FRAS1: variants seen among roughly 807,000 people sequenced by gnomAD.
FRAS1 encodes extracellular matrix organizing protein FRAS1.
A neutral mutation model predicts 435.2 loss-of-function variants in FRAS1; 290 were observed. The ratio of observed to expected loss-of-function variants is 0.67; its 90% confidence interval spans 0.61 to 0.73. The LOEUF is 0.73. FRAS1 is among the 30% of genes least tolerant of loss of function. FRAS1 has a pLI of 0.00. For missense variants in FRAS1, 4,860 were observed against 5,001.5 expected, an observed-to-expected ratio of 0.97 and a Z score of 0.85; for synonymous variants, 1,800 against 1,851.0, an observed-to-expected ratio of 0.97 and a Z score of 0.71.
Position 78,363,680 on chromosome 4 carries a change from G to T in FRAS1, c.2575+15G>T. ...AGCTTGTAAAAGTGAGTAAGTGCTG[G>T]ACTCAGGAGCTGGAGCTGCCACCTG... On this transcript the variant is annotated intron_variant, in intron 21 of 73. Transcript: ENST00000512123. The T allele has an allele frequency of 1.0e-5, 16 of 1,570,702 alleles. No individual in the cohort carries two copies. Among genetic ancestry groups the T allele is most frequent in the Non-Finnish European group, 1.4e-5 (16 of 1,157,722 alleles).
In FRAS1 at chr4:78,464,496, C is replaced by T. The variant is rs766845287; in HGVS notation, c.6942C>T (p.Val2314=). The T allele has an allele frequency of 2.3e-5, 37 of 1,613,830 alleles. No homozygotes were observed. The highest frequency in any genetic ancestry group is 1.8e-4 in the South Asian group (16 of 91,082). ...ACCCTGTCGATGATTCGCTGCCCGT[C>T]GTACAGAACTTAGGAATGCGGGTGC... is the stretch of plus-strand genomic sequence containing the variant. ...TLHPVDDSLP[V]VQNLGMRVQE... is the part of the protein sequence containing the mutation. Residue 2314 remains valine (V), a synonymous_variant, in exon 49 of 74, where the codon GTC becomes GTT. Coordinates refer to ENST00000512123, the MANE Select transcript of FRAS1 (RefSeq NM_025074.7).
intron 63 of FRAS1, among the ~76,000 whole-genome samples, chr4:78,509,322 G>A (rs1302471202): frequency 1.3e-5 from 2 of 152,166 alleles, no homozygotes; most frequent in African/African-American, 4.8e-5. Flanking sequence ...TTGGCTACTT[G>A]ACAAGGTCAT....
At chr4:78,418,646 C>T (rs2110367391) in intron 32 of FRAS1, among the ~76,000 whole-genome samples, 1 of 152,220 alleles carries the variant, frequency 6.6e-6, no homozygotes, top group Non-Finnish European at 1.5e-5. Flanking sequence ...ACGTGTTCCA[C>T]CTAGGAAAAA....
intron 36 of FRAS1, among the ~76,000 whole-genome samples, chr4:78,429,821 T>G (rs1168438420): frequency 1.3e-5 from 2 of 152,234 alleles, no homozygotes; most frequent in African/African-American, 4.8e-5. Context: ...TTACCAAACT[T>G]ACAAATAAGC....
At chr4:78,405,441 C>T (rs1390253576) in intron 30 of FRAS1, among the ~76,000 whole-genome samples, 1 of 152,066 alleles carries the variant, frequency 6.6e-6, no homozygotes, top group Non-Finnish European at 1.5e-5. Flanking sequence ...AGTTATAATA[C>T]AAGAAAGAAA....
At chr4:78,159,149 GAAGA>G (rs1721024843) in intron 2 of FRAS1, among the ~76,000 whole-genome samples, 1 of 152,136 alleles carries the variant, frequency 6.6e-6, no homozygotes, top group African/African-American at 2.4e-5. Flanking sequence ...TCCACCCTCT[GAAGA>G]AAGAAAGTAC....
In FRAS1 at chr4:78,387,391, G is replaced by A. The variant is rs747562608; in HGVS notation, c.3665G>A (p.Arg1222Lys). 2 of 1,609,706 alleles carry A rather than the reference G, an allele frequency of 1.2e-6. No individual in the cohort carries two copies. Among genetic ancestry groups the A allele is most frequent in the Admixed American group, 3.3e-5 (2 of 59,884 alleles). The change falls in exon 29 of 74, where the codon AGA (arginine) becomes AAA (lysine). Residue 1222 changes from arginine to lysine, a missense_variant. Coordinates refer to ENST00000512123, the MANE Select transcript of FRAS1 (RefSeq NM_025074.7). ...AFSTQAPYVLRNEVLHISRGE... is the reference protein window; with the variant it reads ...AFSTQAPYVLKNEVLHISRGE... ...ACTCCACAGGCCCCCTATGTGCTGAGAAATGAAGTTCTCCACATTAGCAGA... is the reference window on the plus strand; with the variant it reads ...ACTCCACAGGCCCCCTATGTGCTGAAAAATGAAGTTCTCCACATTAGCAGA...
chr4:78,380,196 A>G (rs978595074), intron 27 of FRAS1, among the ~76,000 whole-genome samples, 200 bp downstream of exon 27: 4 of 152,138 alleles, frequency 2.6e-5, no homozygotes, highest in African/African-American at 9.7e-5. Context: ...TGTTAGAGAC[A>G]TTTTCGTTTT....
At chr4:78,221,746 C>T (rs1301184572) in intron 2 of FRAS1, among the ~76,000 whole-genome samples, 1 of 152,132 alleles carries the variant, frequency 6.6e-6, no homozygotes, top group Non-Finnish European at 1.5e-5. Flanking sequence ...TGCAGCAAAC[C>T]CTGCTTTGCT....
rs1334243708 is a variant in FRAS1 at position 78,516,072 on chromosome 4, T to C, written c.10389+59T>C. The C allele has an allele frequency of 2.2e-6, 3 of 1,377,396 alleles. No homozygotes were observed. In the African/African-American group the frequency reaches 4.3e-5, roughly 20 times the overall value. The allele number at this position is 1,377,396 out of a possible 1,614,324, so 85.3% of individuals were successfully genotyped here. On this transcript the variant is annotated intron_variant, in intron 66 of 73. Coordinates refer to ENST00000512123, the MANE Select transcript of FRAS1 (RefSeq NM_025074.7). ...ATATGGGTGCCATGGTCAACCTTGT[T>C]TGTTCCTGAAGCACTTCAATTAGCA...
rs1578218950 is a variant in FRAS1 at position 78,271,629 on chromosome 4, A to G, written c.981+4197A>G. Among the ~76,000 whole-genome samples, 5 of 152,268 alleles carry G rather than the reference A, an allele frequency of 3.3e-5. No individual in the cohort carries two copies. In the South Asian group the frequency reaches 8.3e-4, roughly 25 times the overall value. On this transcript the variant is annotated intron_variant, in intron 9 of 73. Transcript: ENST00000512123. Reference sequence around the variant, plus strand: ...GGTTTCCAGCTTCATCCATGTCCCTACAATGGACATGAGCTCATCATTTTT... The same window carrying G: ...GGTTTCCAGCTTCATCCATGTCCCTGCAATGGACATGAGCTCATCATTTTT...
chr4:78,159,340 A>C (rs912565337), intron 2 of FRAS1, among the ~76,000 whole-genome samples: 6 of 152,226 alleles, frequency 3.9e-5, no homozygotes, highest in African/African-American at 1.4e-4. Flanking sequence ...TGTGGATACA[A>C]GAGTGAGTAT....
intron 18 of FRAS1, among the ~76,000 whole-genome samples, chr4:78,324,218 T>A (rs1223362492): frequency 6.6e-6 from 1 of 152,224 alleles, no homozygotes; most frequent in African/African-American, 2.4e-5. Flanking sequence ...TACCTATTAC[T>A]AAATTTGATT....
At chr4:78,336,540 A>G (rs965497111) in intron 19 of FRAS1, among the ~76,000 whole-genome samples, 3 of 152,130 alleles carry the variant, frequency 2.0e-5, no homozygotes, top group Non-Finnish European at 4.4e-5. Flanking sequence ...AGAGAATGCT[A>G]TGTCTTTTGG....
chr4:78,160,604 A>G (rs1185627148), intron 2 of FRAS1, among the ~76,000 whole-genome samples: 3 of 152,136 alleles, frequency 2.0e-5, no homozygotes, highest in Non-Finnish European at 2.9e-5. Context: ...TCCTAACTAG[A>G]TCACTAAATT....
intron 18 of FRAS1, among the ~76,000 whole-genome samples, chr4:78,324,731 T>C (rs3086761): frequency 2.6e-4 from 31 of 119,434 alleles, no homozygotes; most frequent in African/African-American, 7.0e-4. Flanking sequence ...TTTTTTTTTT[T>C]CTGCATGTCA....
At chr4:78,088,497 C>T (rs1263991888) in intron 2 of FRAS1, among the ~76,000 whole-genome samples, 4 of 151,894 alleles carry the variant, frequency 2.6e-5, no homozygotes, top group African/African-American at 9.7e-5. Context: ...AGGCAACCTA[C>T]AGAACGGGAG....
chr4:78,094,839 G>A (rs1241039642), intron 2 of FRAS1, among the ~76,000 whole-genome samples: 1 of 152,098 alleles, frequency 6.6e-6, no homozygotes, highest in Non-Finnish European at 1.5e-5. Flanking sequence ...TGGACCTTGG[G>A]CAAGTTAGAA....
At chr4:78,362,772 G>A (rs1050328587) in intron 20 of FRAS1, among the ~76,000 whole-genome samples, 1 of 152,186 alleles carries the variant, frequency 6.6e-6, no homozygotes, top group Non-Finnish European at 1.5e-5. Context: ...TGGAGCTGGA[G>A]AGGGGACGAG....
Sources: gnomAD v4.1 joint callset for allele counts (sites outside exome capture counted in the v4.1 genomes callset) on GRCh38, gnomAD v4.1.1 for gene constraint, MANE v1.5 for transcripts, NCBI Gene and HGNC (gene_info 2026-07-23, HGNC 2026-07-21) for gene names.